Variants in WDR64 observed in about 807,000 individuals in gnomAD.
The protein encoded by WDR64 is WD repeat-containing protein 64.
A neutral mutation model predicts 139.3 loss-of-function variants in WDR64; 112 were observed. The observed-to-expected ratio is 0.80, with a 90% confidence interval of 0.69 to 0.94. WDR64 has a LOEUF of 0.94. Ranked by LOEUF, WDR64 falls within the 40% of genes least tolerant of loss-of-function variation. The pLI, the probability that WDR64 is intolerant of heterozygous loss-of-function variation, is 0.00. For synonymous variants in WDR64, 444 were observed against 437.7 expected (o/e 1.01, Z -0.18); for missense variants, 1,206 against 1,293.1 (o/e 0.93, Z 1.03).
At chr1:241,701,929 G>A (rs1667726403) in intron 8 of WDR64, among the ~76,000 whole-genome samples, 1 of 152,020 alleles carries the variant, frequency 6.6e-6, no homozygotes, top group African/African-American at 2.4e-5. Flanking sequence ...ATACATAATT[G>A]GCCAGCTGTT....
intron 19 of WDR64, 125 bp from the exon 20 acceptor site, chr1:241,772,667 T>C: frequency 1.0e-6 from 1 of 969,930 alleles, no homozygotes; most frequent in South Asian, 1.9e-5. Context: ...TTCACCATGT[T>C]GGCCAGGCTG....
chr1:241,724,674 A>C (rs1210323647), intron 10 of WDR64, among the ~76,000 whole-genome samples: 1 of 152,208 alleles, frequency 6.6e-6, no homozygotes, highest in African/African-American at 2.4e-5. Flanking sequence ...TTCCAGAAGA[A>C]AATATAGGTG....
intron 9 of WDR64, among the ~76,000 whole-genome samples, chr1:241,721,816 T>C (rs943159985): frequency 6.6e-6 from 1 of 152,180 alleles, no homozygotes; most frequent in Non-Finnish European, 1.5e-5. Flanking sequence ...TGCACATTTG[T>C]TTAAGTAATG....
At chr1:241,729,676 T>G (rs74150378) in intron 10 of WDR64, among the ~76,000 whole-genome samples, 2 of 152,102 alleles carry the variant, frequency 1.3e-5, no homozygotes, top group African/African-American at 4.8e-5. Context: ...AAAAATTGAG[T>G]TTTTTTTCCT....
At chr1:241,759,366 T>C (rs1670337967) in intron 15 of WDR64, among the ~76,000 whole-genome samples, 1 of 152,200 alleles carries the variant, frequency 6.6e-6, no homozygotes, top group Non-Finnish European at 1.5e-5. Flanking sequence ...TATTGTGTTC[T>C]TAAAATTCAG....
intron 1 of WDR64, among the ~76,000 whole-genome samples, chr1:241,655,328 G>T (rs1665542668): frequency 6.6e-6 from 1 of 152,146 alleles, no homozygotes; most frequent in Admixed American, 6.5e-5. Context: ...GGCAGAGGTT[G>T]CAGTGAGCCA....
intron 21 of WDR64, among the ~76,000 whole-genome samples, chr1:241,776,847 C>T (rs2148309885): frequency 6.6e-6 from 1 of 152,292 alleles, no homozygotes; most frequent in Middle Eastern, 3.4e-3. Context: ...GCCTAGAATA[C>T]TTTACTATCA....
intron 3 of WDR64, 36 bp downstream of exon 3, chr1:241,671,212 G>T: frequency 7.4e-7 from 1 of 1,343,332 alleles, no homozygotes; most frequent in Non-Finnish European, 1.0e-6. Flanking sequence ...ATTAGTATGA[G>T]TTTTAATATT....
At chr1:241,678,085 C>T (rs1666629411) in intron 4 of WDR64, 102 bp from the exon 5 acceptor site, 1 of 397,830 alleles carries the variant, frequency 2.5e-6, no homozygotes, top group East Asian at 3.6e-5. Flanking sequence ...AGAATGACAA[C>T]TGAGATTAAA....
At position 241,788,146 on chromosome 1, in the gene WDR64, T is replaced by C. The variant is rs1023664493; in HGVS notation, c.2891+112T>C. 21 of 908,250 alleles carry C rather than the reference T, an allele frequency of 2.3e-5. No homozygotes were observed. In the South Asian group the frequency reaches 5.0e-4, roughly 22 times the overall value. The allele number at this position is 908,250 out of a possible 1,614,324, so 56.3% of individuals were successfully genotyped here. A position where few individuals can be genotyped will look rare whatever the true frequency, so the allele number is the denominator to read the frequency against. ...AGGCAAGAGGTCCAGAACTTTTCAA[T>C]AATTTTGTAATCCAGTGGAAGGGAA... On this transcript the variant is annotated intron_variant, in intron 24 of 27. Transcript: ENST00000437684.
intron 23 of WDR64, 57 bp downstream of exon 23, chr1:241,783,438 G>C: frequency 7.6e-7 from 1 of 1,323,620 alleles, no homozygotes; most frequent in South Asian, 1.3e-5. Flanking sequence ...AGAGGTAAAG[G>C]ATTTTAAGCT....
At chr1:241,736,568 G>C (rs1669334939) in intron 10 of WDR64, among the ~76,000 whole-genome samples, 5 of 152,142 alleles carry the variant, frequency 3.3e-5, no homozygotes, top group Admixed American at 3.3e-4. Flanking sequence ...CAGTAGCAAA[G>C]AAGGCATATA....
rs1666400827 is a variant in WDR64 at position 241,674,761 on chromosome 1, CTT to C, written c.483+20_483+21del. 6.9e-7 allele frequency: 1 copy of C among 1,456,244 alleles called. No homozygotes were observed. Among genetic ancestry groups the C allele is most frequent in the African/African-American group, 1.4e-5 (1 of 70,514 alleles). 90.2% of individuals were successfully genotyped at this position (1,456,244 alleles called of 1,614,324 possible). A position where few individuals can be genotyped will look rare whatever the true frequency, so the allele number is the denominator to read the frequency against. ...TTTAATAACCAGGTAATTTCTTTTT[CTT>C]TTTTTAACTGAATGACTCATTTTAC... On this transcript the variant is annotated intron_variant, in intron 4 of 27. Transcript: ENST00000437684.
intron 4 of WDR64, among the ~76,000 whole-genome samples, chr1:241,675,018 TTC>T (rs1666438407): frequency 3.6e-5 from 1 of 28,010 alleles, no homozygotes; most frequent in African/African-American, 1.0e-4. Context: ...CCTTCCTTTC[TTC>T]TTCCTTCCCT....
At chr1:241,788,145 A>G in intron 24 of WDR64, 111 bp downstream of exon 24, 2 of 938,210 alleles carry the variant, frequency 2.1e-6, no homozygotes, top group Non-Finnish European at 3.0e-6. Flanking sequence ...GAACTTTTCA[A>G]TAATTTTGTA....
chr1:241,747,570 G>A (rs1329867562), intron 13 of WDR64, among the ~76,000 whole-genome samples: 4 of 152,126 alleles, frequency 2.6e-5, no homozygotes, highest in Admixed American at 6.5e-5. Context: ...CTCAAATGTC[G>A]TGTATCAGAT....
At chr1:241,672,866 T>TGGGAGTG (rs1666287277) in intron 3 of WDR64, among the ~76,000 whole-genome samples, 1 of 152,072 alleles carries the variant, frequency 6.6e-6, no homozygotes, top group Admixed American at 6.6e-5. Flanking sequence ...GAAGCAACGA[T>TGGGAGTG]GGGAGTGGGG....
At chr1:241,655,880 A>G (rs1462606234) in intron 1 of WDR64, among the ~76,000 whole-genome samples, 1 of 152,006 alleles carries the variant, frequency 6.6e-6, no homozygotes, top group African/African-American at 2.4e-5. Context: ...GCTAAAGTTG[A>G]TATTAATGTG....
At chr1:241,658,531 T>TG (rs1558457605) in intron 1 of WDR64, among the ~76,000 whole-genome samples, 1 of 150,032 alleles carries the variant, frequency 6.7e-6, no homozygotes, top group Non-Finnish European at 1.5e-5. Flanking sequence ...CCCAGCTACT[T>TG]GGGGGGTTGA....
Sources: gnomAD v4.1 joint callset for allele counts (sites outside exome capture counted in the v4.1 genomes callset) on GRCh38, gnomAD v4.1.1 for gene constraint, MANE v1.5 for transcripts, NCBI Gene and HGNC (gene_info 2026-07-23, HGNC 2026-07-21) for gene names.